Variants in ZNF536 observed in about 807,000 individuals in gnomAD.
The protein encoded by ZNF536 is zinc finger protein 536.
A neutral mutation model predicts 84.5 loss-of-function variants in ZNF536; 13 were observed. That is an observed-to-expected ratio of 0.15 (90% confidence interval 0.10 to 0.24). ZNF536 has a LOEUF of 0.24. Among genes scored for constraint, ZNF536 ranks in the 10% least tolerant of loss-of-function variants. ZNF536 has a pLI of 1.00. For synonymous variants in ZNF536, 811 were observed against 742.5 expected, an observed-to-expected ratio of 1.09 and a Z score of -1.50; for missense variants, 1,536 against 1,747.5, an observed-to-expected ratio of 0.88 and a Z score of 2.16.
At chr19:30,264,966 T>TGTGTGTGTGTGTGTGTGAGAGA (rs59889852) in intron 1 of ZNF536, among the ~76,000 whole-genome samples, 10 of 133,776 alleles carry the variant, frequency 7.5e-5, no homozygotes, top group African/African-American at 1.5e-4. Context: ...TGTGTGTGTG[T>TGTGTGTGTGTGTGTGTGAGAGA]GAGAGAGAGA....
intron 1 of ZNF536, among the ~76,000 whole-genome samples, chr19:30,571,946 T>C (rs2046562953): frequency 6.6e-6 from 1 of 152,156 alleles, no homozygotes; most frequent in African/African-American, 2.4e-5. Context: ...GGTCTTGTTT[T>C]CACGCATCCA....
intron 1 of ZNF536, among the ~76,000 whole-genome samples, chr19:30,415,284 C>CTTCTTCTTCTTCTTCTT (rs2050675714): frequency 8.3e-6 from 1 of 120,068 alleles, no homozygotes; most frequent in African/African-American, 3.3e-5. Flanking sequence ...TCCTCCTCCT[C>CTTCTTCTTCTTCTTCTT]CTTCTTCTTC....
chr19:30,695,523 C>T (rs573055958), intron 1 of ZNF536, among the ~76,000 whole-genome samples: 6 of 152,118 alleles, frequency 3.9e-5, no homozygotes, highest in East Asian at 3.9e-4. Flanking sequence ...GGGGCTTTGG[C>T]GGGTCTCAAT....
At chr19:30,569,004 T>C (rs939875102) in intron 1 of ZNF536, among the ~76,000 whole-genome samples, 1 of 152,114 alleles carries the variant, frequency 6.6e-6, no homozygotes, top group Admixed American at 6.5e-5. Flanking sequence ...TTTTCCTTAA[T>C]GCGATGAGCT....
At chr19:30,403,670 A>T (rs1041982198) in intron 1 of ZNF536, among the ~76,000 whole-genome samples, 2 of 152,200 alleles carry the variant, frequency 1.3e-5, no homozygotes, top group African/African-American at 2.4e-5. Context: ...TAGAAAGAAG[A>T]CCCACTTGCT....
chr19:30,251,688 AG>A (rs771684070), intron 1 of ZNF536, among the ~76,000 whole-genome samples: 3 of 152,202 alleles, frequency 2.0e-5, no homozygotes, highest in Admixed American at 6.5e-5. Context: ...TCTCCTGAGC[AG>A]TACACACTGC....
chr19:30,411,279 G>T (rs1193990038), intron 1 of ZNF536, among the ~76,000 whole-genome samples: 1 of 152,062 alleles, frequency 6.6e-6, no homozygotes, highest in African/African-American at 2.4e-5. Flanking sequence ...AGAATGGTCA[G>T]TTTCCCAAAC....
intron 1 of ZNF536, among the ~76,000 whole-genome samples, chr19:30,657,415 G>A (rs535796273): frequency 5.0e-4 from 76 of 152,308 alleles, no homozygotes; most frequent in Non-Finnish European, 8.8e-4. Context: ...AGAGGCGGCC[G>A]CCAGCAGACC....
intron 2 of ZNF536, among the ~76,000 whole-genome samples, chr19:30,512,089 A>G (rs987467067): frequency 1.3e-5 from 2 of 152,226 alleles, no homozygotes; most frequent in Admixed American, 6.5e-5. Flanking sequence ...TTTTAAACTT[A>G]AAATGATGAA....
chr19:30,248,838 T>C (rs183484732), intron 1 of ZNF536, among the ~76,000 whole-genome samples: 110 of 152,284 alleles, frequency 7.2e-4, no homozygotes, highest in Admixed American at 1.7e-3. Context: ...TGAGTATGTC[T>C]ACTCCTTCCT....
At chr19:30,343,385 GA>G (rs1334442778) in intron 2 of ZNF536, among the ~76,000 whole-genome samples, 2 of 152,140 alleles carry the variant, frequency 1.3e-5, no homozygotes, top group African/African-American at 4.8e-5. Flanking sequence ...TGGGGTGGGG[GA>G]GCATCTCTTC....
At chr19:30,532,708 G>T (rs555920398) in intron 2 of ZNF536, among the ~76,000 whole-genome samples, 152 of 152,198 alleles carry the variant, frequency 1.0e-3, no homozygotes, top group Non-Finnish European at 2.1e-3. Flanking sequence ...AGTGGGAGAA[G>T]GGTAGAAGGA....
In ZNF536 at chr19:30,284,373, C is replaced by A. The variant is rs73924287; in HGVS notation, c.-120+232C>A. On this transcript the variant is annotated intron_variant, in intron 2 of 5. Coordinates refer to the ZNF536 transcript ENST00000585628. ...GGTTCCCCCATGAGGCAAAGCCCAA[C>A]AAGGGTGACTTCTTTCTCTCTTGCG... Among the ~76,000 whole-genome samples, 1,468 of 152,328 alleles carry A rather than the reference C, an allele frequency of 9.6e-3. 28 individuals are homozygous for A. The highest frequency in any genetic ancestry group is 0.034 in the African/African-American group (1,401 of 41,570).
chr19:30,586,385 C>T lies in ZNF536; in HGVS notation c.169+36871C>T, dbSNP rs553520874. On this transcript the variant is annotated intron_variant, in intron 1 of 1. Transcript: ENST00000592773. ...ACCATGTTCTATTGCATGTTAGTCA[C>T]GTAAGTCCTAAGGTCAACCTTCTGG... Among the ~76,000 whole-genome samples, 18 of 152,332 alleles carry T rather than the reference C, an allele frequency of 1.2e-4. 1 individual carries two copies. In the South Asian group the frequency reaches 1.2e-3, roughly 11 times the overall value.
chr19:30,693,943 C>T (rs962741980), intron 1 of ZNF536, among the ~76,000 whole-genome samples: 1 of 152,138 alleles, frequency 6.6e-6, no homozygotes, highest in East Asian at 1.9e-4. Flanking sequence ...TGACTGCTCC[C>T]GCGACACTGT....
intron 2 of ZNF536, among the ~76,000 whole-genome samples, chr19:30,325,049 G>A (rs866081288): frequency 6.6e-6 from 1 of 152,194 alleles, no homozygotes; most frequent in South Asian, 2.1e-4. Context: ...TTTGCTCCTT[G>A]GCCTGGGGAG....
At chr19:30,270,692 G>A (rs754018361) in intron 1 of ZNF536, among the ~76,000 whole-genome samples, 14 of 151,508 alleles carry the variant, frequency 9.2e-5, no homozygotes, top group South Asian at 2.1e-4. Context: ...GCCCGCTGCT[G>A]TTGCAGAACA....
intron 1 of ZNF536, among the ~76,000 whole-genome samples, chr19:30,372,941 C>T (rs1434744372): frequency 1.3e-5 from 2 of 151,836 alleles, no homozygotes. Flanking sequence ...ACTCCCTGGG[C>T]AAAGATTCTT....
intron 1 of ZNF536, among the ~76,000 whole-genome samples, chr19:30,650,122 A>C (rs1015584601): frequency 1.3e-5 from 2 of 152,224 alleles, no homozygotes; most frequent in Non-Finnish European, 2.9e-5. Context: ...CATTTACGTC[A>C]AAAATTATCT....
Sources: allele counts gnomAD v4.1 joint callset (sites outside exome capture counted in the v4.1 genomes callset), GRCh38; gene constraint gnomAD v4.1.1; transcripts MANE v1.5; gene names NCBI Gene and HGNC (gene_info 2026-07-23, HGNC 2026-07-21).